CDIN1: variants seen among roughly 807,000 people sequenced by gnomAD.
CDIN1 encodes CDAN1-interacting nuclease 1.
In CDIN1, 33 loss-of-function variants were observed where a neutral mutation model predicts 45.3. That is an observed-to-expected ratio of 0.73 (90% CI 0.55 to 0.97). CDIN1 has a LOEUF of 0.97. Ranked by LOEUF, CDIN1 falls within the 50% of genes least tolerant of loss-of-function variation. The probability of loss-of-function intolerance (pLI) is 0.00; values close to 1 mark genes in which losing one functional copy is unlikely to be tolerated. For missense variants in CDIN1, 303 were observed against 339.4 expected (o/e 0.89, Z 0.84); for synonymous variants, 118 against 124.4 (o/e 0.95, Z 0.34).
intron 5 of CDIN1, among the ~76,000 whole-genome samples, chr15:36,684,959 T>G (rs1381563551): frequency 6.6e-6 from 1 of 151,980 alleles, no homozygotes; most frequent in African/African-American, 2.4e-5. Flanking sequence ...GTCTATTTGA[T>G]TCTTCTCTCT....
intron 10 of CDIN1, among the ~76,000 whole-genome samples, chr15:36,720,441 T>A (rs1298292894): frequency 9.3e-6 from 1 of 107,734 alleles, no homozygotes; most frequent in Non-Finnish European, 1.8e-5. Flanking sequence ...CCCGACCCTA[T>A]GACAGGCCCC....
At chr15:36,703,268 C>A (rs1404548775) in intron 8 of CDIN1, among the ~76,000 whole-genome samples, 2 of 87,082 alleles carry the variant, frequency 2.3e-5, no homozygotes, top group African/African-American at 5.0e-5. Context: ...ATATATATAT[C>A]TGATAGATCT....
At chr15:36,694,043 A>T (rs2042338991) in intron 7 of CDIN1, among the ~76,000 whole-genome samples, 1 of 152,202 alleles carries the variant, frequency 6.6e-6, no homozygotes, top group African/African-American at 2.4e-5. Flanking sequence ...TGCCAGTAAA[A>T]CTACAGATTT....
chr15:36,782,813 G>A (rs1282796232), intron 10 of CDIN1, among the ~76,000 whole-genome samples: 1 of 152,082 alleles, frequency 6.6e-6, no homozygotes, highest in Non-Finnish European at 1.5e-5. Context: ...TGAGCCAAGG[G>A]CTTAAAAAAG....
intron 10 of CDIN1, among the ~76,000 whole-genome samples, chr15:36,761,562 G>T (rs2053764775): frequency 6.6e-6 from 1 of 152,158 alleles, no homozygotes. Context: ...CTTCAAGGAG[G>T]CGCTGTCATG....
At position 36,808,867 on chromosome 15, in the gene CDIN1, T is replaced by C. The variant is rs1457746576; in HGVS notation, c.*414T>C. 2.2e-6 allele frequency: 1 copy of C among 456,488 alleles called. No individual in the cohort carries two copies. Among genetic ancestry groups the C allele is most frequent in the East Asian group, 6.9e-5 (1 of 14,408 alleles). The allele number at this position is 456,488 out of a possible 1,614,324, so 28.3% of individuals were successfully genotyped here. ...TTTTTCCCTAAGCCTCCGTTCACTGTCTCTCCCTCTCCCTTTCTCTTCATG... is the reference window on the plus strand; with the variant it reads ...TTTTTCCCTAAGCCTCCGTTCACTGCCTCTCCCTCTCCCTTTCTCTTCATG... On this transcript the variant is annotated 3_prime_UTR_variant, in exon 11 of 11. Transcript: ENST00000566621.
chr15:36,579,856 C>T lies in CDIN1; in HGVS notation c.-5C>T, dbSNP rs750660367. On this transcript the variant is annotated 5_prime_UTR_variant, in exon 1 of 11. Coordinates refer to ENST00000566621, the MANE Select transcript of CDIN1 (RefSeq NM_001321759.2). ...TTCCCGCCACCTCCTGGTCCCTGGC[C>T]CAACATGATACTGACCAAAGCTCAG... 1.3e-4 allele frequency: 214 copies of T among 1,611,704 alleles called. No homozygotes were observed. Among genetic ancestry groups the T allele is most frequent in the Non-Finnish European group, 1.6e-4 (187 of 1,178,924 alleles).
chr15:36,647,006 CATAA>C (rs1356652192), intron 3 of CDIN1, among the ~76,000 whole-genome samples: 1 of 147,864 alleles, frequency 6.8e-6, no homozygotes, highest in African/African-American at 2.5e-5. Context: ...TAGTATAGGC[CATAA>C]ATAAATAAAT....
intron 1 of CDIN1, among the ~76,000 whole-genome samples, chr15:36,619,943 G>C (rs1228340501): frequency 1.3e-5 from 2 of 151,814 alleles, no homozygotes; most frequent in Admixed American, 6.6e-5. Context: ...AATTGAGTCT[G>C]TCTTTTTGAC....
chr15:36,644,929 T>C (rs1203858436), intron 2 of CDIN1, among the ~76,000 whole-genome samples: 1 of 152,238 alleles, frequency 6.6e-6, no homozygotes, highest in Non-Finnish European at 1.5e-5. Context: ...CTTTGCCCTC[T>C]GTAGCCCTAA....
intron 10 of CDIN1, among the ~76,000 whole-genome samples, chr15:36,785,400 C>A (rs1477421352): frequency 6.6e-6 from 1 of 152,166 alleles, no homozygotes; most frequent in East Asian, 1.9e-4. Flanking sequence ...CCTGGTTGTT[C>A]AGTTGAAAAG....
chr15:36,747,636 G>A (rs8035708), intron 10 of CDIN1, among the ~76,000 whole-genome samples: 118,027 of 152,130 alleles, frequency 0.78, 46,502 homozygotes, highest in East Asian at 0.96. Flanking sequence ...AAGTCACTCA[G>A]TGTTGAACAC....
Position 36,579,901 on chromosome 15 carries a change from GC to G in CDIN1, c.43del (p.Leu15Ter). ...TKAQYDEIAQ[C>X]LVSVPPTRQS... ...GCTCAGTACGACGAGATAGCCCAGT[GC>G]CTAGTGTCTGTGCCGCCTACCAGGC... On this transcript the variant is annotated frameshift_variant, in exon 1 of 11. Transcript: ENST00000566621. LOFTEE classifies it high-confidence loss of function. 1 of 1,613,996 alleles carries G rather than the reference GC, an allele frequency of 6.2e-7. No individual in the cohort carries two copies. Among genetic ancestry groups the G allele is most frequent in the East Asian group, 2.2e-5 (1 of 44,878 alleles).
chr15:36,608,631 A>G (rs919750729), intron 1 of CDIN1, among the ~76,000 whole-genome samples: 5 of 151,734 alleles, frequency 3.3e-5, no homozygotes, highest in Admixed American at 2.0e-4. Flanking sequence ...TATTTTATTT[A>G]TGGTGTCCTT....
intron 10 of CDIN1, among the ~76,000 whole-genome samples, chr15:36,807,395 A>G (rs2055264955): frequency 6.6e-6 from 1 of 152,222 alleles, no homozygotes; most frequent in Non-Finnish European, 1.5e-5. Flanking sequence ...ACACTACACC[A>G]AAAGTAGTGC....
intron 10 of CDIN1, among the ~76,000 whole-genome samples, chr15:36,803,249 A>G (rs1032719683): frequency 4.0e-5 from 6 of 150,678 alleles, no homozygotes; most frequent in African/African-American, 1.2e-4. Context: ...AGCATCCTAG[A>G]TATGCAGCAA....
rs188086027 is a variant in CDIN1, at chr15:36,602,663, T to A, written c.101+22702T>A. On this transcript the variant is annotated intron_variant, in intron 1 of 10. Coordinates refer to ENST00000566621, the MANE Select transcript of CDIN1 (RefSeq NM_001321759.2). The stretch of plus-strand genomic sequence containing the variant: ...TTTTCTTGTGTAACTGGTAAAGTGG[T>A]TCTAAAGTGATTCTTAAAGATAAGT... Among the ~76,000 whole-genome samples, 7 of 152,270 alleles carry A rather than the reference T, an allele frequency of 4.6e-5. No individual in the cohort carries two copies. The East Asian group carries it at 1.2e-3, about 25-fold the overall frequency.
intron 6 of CDIN1, 49 bp downstream of exon 6, chr15:36,691,813 A>G: frequency 2.2e-6 from 3 of 1,339,210 alleles, no homozygotes; most frequent in Non-Finnish European, 2.1e-6. Context: ...TTATCTGCCT[A>G]GCAGAGTAAA....
intron 8 of CDIN1, among the ~76,000 whole-genome samples, chr15:36,697,956 G>C (rs1376324920): frequency 3.9e-5 from 6 of 151,980 alleles, no homozygotes; most frequent in African/African-American, 9.7e-5. Flanking sequence ...AAGCCTCAAA[G>C]GACTATACAT....
Sources: allele counts gnomAD v4.1 joint callset (sites outside exome capture counted in the v4.1 genomes callset), GRCh38; gene constraint gnomAD v4.1.1; transcripts MANE v1.5; gene names NCBI Gene and HGNC (gene_info 2026-07-23, HGNC 2026-07-21).